The following AGO2 variants were observed in gnomAD, a reference collection of about 807,000 sequenced individuals.
The protein encoded by AGO2 is protein argonaute-2.
In AGO2, 5 loss-of-function variants were observed where a neutral mutation model predicts 102.3. The ratio of observed to expected loss-of-function variants is 0.05; its 90% CI spans 0.03 to 0.10. AGO2 has a LOEUF of 0.10. AGO2 is among the 10% of genes least tolerant of loss of function. The probability of loss-of-function intolerance (pLI) is 1.00; values close to 1 mark genes in which losing one functional copy is unlikely to be tolerated. For synonymous variants in AGO2, 449 were observed against 473.1 expected (o/e 0.95, Z 0.66); for missense variants, 541 against 1,183.7 (o/e 0.46, Z 7.97).
At position 140,585,282 on chromosome 8, in the gene AGO2, T is replaced by C; in HGVS notation, c.52A>G (p.Ile18Val). ...ALAPPAPPPPIQGYAFKPPPR... is the reference protein window; with the variant it reads ...ALAPPAPPPPVQGYAFKPPPR... ...GGAGGCTTGAAGGCATATCCTTGGA[T>C]GGGGGGCGGCGGCGCAGGAGGTGCA... The change falls in exon 2 of 19, where the codon ATC becomes GTC. Residue 18 changes from isoleucine to valine, a missense_variant. Ile to Val is a conservative substitution (Grantham distance 29, BLOSUM62 3). Transcript: ENST00000220592. The C allele has an allele frequency of 1.2e-6, 2 of 1,613,940 alleles. No homozygotes were observed. Among genetic ancestry groups the C allele is most frequent in the African/African-American group, 1.3e-5 (1 of 75,016 alleles).
chr8:140,624,744 G>A (rs2152108889), intron 1 of AGO2, among the ~76,000 whole-genome samples: 1 of 152,306 alleles, frequency 6.6e-6, no homozygotes, highest in South Asian at 2.1e-4. Context: ...GGGCATATAA[G>A]GAGCACAGAG....
chr8:140,609,333 C>G (rs899826339), intron 1 of AGO2, among the ~76,000 whole-genome samples: 4 of 152,232 alleles, frequency 2.6e-5, no homozygotes, highest in East Asian at 1.9e-4. Context: ...GAGCGGTGGG[C>G]GGGCAGTGGC....
At chr8:140,632,943 T>G (rs568933544) in intron 1 of AGO2, among the ~76,000 whole-genome samples, 1 of 151,546 alleles carries the variant, frequency 6.6e-6, no homozygotes, top group African/African-American at 2.4e-5. Context: ...TCTCCAAGTC[T>G]CACTCTGTCC....
At chr8:140,638,261 G>C (rs1364118636), upstream of AGO2, 1 of 152,208 alleles carries the variant, frequency 6.6e-6, no homozygotes, top group East Asian at 1.9e-4. Flanking sequence ...GCAGGCAATG[G>C]AATAAATCAT....
chr8:140,553,251 T>TG lies in AGO2; in HGVS notation c.1270-1816dup, dbSNP rs796858434. 3.4e-4 allele frequency among the ~76,000 whole-genome samples: 51 copies of TG among 152,038 alleles called. 1 individual carries two copies. Among genetic ancestry groups the TG allele is most frequent in the African/African-American group, 1.1e-3 (47 of 41,474 alleles). ...ACATTAAAAACCTAGCTGGGTGTGG[T>TG]GGTGTGGCTGTGGTCCCAGCAATTC... On this transcript the variant is annotated intron_variant, in intron 10 of 18. Coordinates refer to ENST00000220592, the MANE Select transcript of AGO2 (RefSeq NM_012154.5).
intron 10 of AGO2, 24 bp from the exon 11 acceptor site, chr8:140,551,460 G>A: frequency 6.6e-7 from 1 of 1,505,890 alleles, no homozygotes; most frequent in Non-Finnish European, 9.0e-7. Context: ...AAGGTTCAGG[G>A]TGAGAAAAAA....
chr8:140,544,688 C>T (rs572892072), intron 13 of AGO2, among the ~76,000 whole-genome samples: 6 of 152,334 alleles, frequency 3.9e-5, no homozygotes, highest in East Asian at 3.9e-4. Flanking sequence ...GGGGCCAGCT[C>T]GCTCTTTGTT....
At chr8:140,554,380 C>T (rs575023866) in intron 10 of AGO2, among the ~76,000 whole-genome samples, 15 of 152,300 alleles carry the variant, frequency 9.8e-5, no homozygotes, top group African/African-American at 3.6e-4. Flanking sequence ...ACACAGACCC[C>T]CCCACGTGAT....
intron 1 of AGO2, among the ~76,000 whole-genome samples, chr8:140,588,469 A>G (rs1427324975): frequency 6.6e-6 from 1 of 152,042 alleles, no homozygotes; most frequent in Non-Finnish European, 1.5e-5. Context: ...TTATTGCTTA[A>G]AAAATGCTGA....
intron 3 of AGO2, among the ~76,000 whole-genome samples, chr8:140,570,756 C>T (rs928109163): frequency 6.6e-6 from 1 of 152,144 alleles, no homozygotes; most frequent in Non-Finnish European, 1.5e-5. Flanking sequence ...AGTTGAGGTG[C>T]CCCAGGTCCC....
intron 1 of AGO2, among the ~76,000 whole-genome samples, chr8:140,599,011 C>T (rs1056135635): frequency 5.9e-5 from 9 of 152,232 alleles, no homozygotes; most frequent in Admixed American, 2.0e-4. Context: ...CTGCTGCTCA[C>T]GCTGAGGCCA....
upstream of AGO2, among the ~76,000 whole-genome samples, chr8:140,639,480 G>GAAAAA (rs36037273): frequency 2.1e-5 from 3 of 139,858 alleles, no homozygotes; most frequent in African/African-American, 5.2e-5. Flanking sequence ...AACTCCATCT[G>GAAAAA]AAAAAAAAAA....
At chr8:140,575,456 C>T (rs914247269) in intron 2 of AGO2, among the ~76,000 whole-genome samples, 1 of 152,330 alleles carries the variant, frequency 6.6e-6, no homozygotes, top group East Asian at 1.9e-4. Flanking sequence ...GGTCCCCAAC[C>T]TTCGGAGGCC....
chr8:140,584,503 C>T (rs542917722), intron 2 of AGO2, among the ~76,000 whole-genome samples: 4 of 152,134 alleles, frequency 2.6e-5, no homozygotes, highest in Admixed American at 6.5e-5. Flanking sequence ...TTAAGAGAGA[C>T]GAAAACACCT....
chr8:140,630,409 C>A (rs926003717), intron 1 of AGO2, among the ~76,000 whole-genome samples: 1 of 152,156 alleles, frequency 6.6e-6, no homozygotes, highest in Admixed American at 6.5e-5. Flanking sequence ...GAGGGCCTGG[C>A]GATTTGGTCA....
At chr8:140,573,847 A>G (rs1440290260) in intron 2 of AGO2, among the ~76,000 whole-genome samples, 2 of 152,184 alleles carry the variant, frequency 1.3e-5, no homozygotes, top group African/African-American at 4.8e-5. Flanking sequence ...TTTGCTCTGT[A>G]GCCCCAGTCA....
intron 11 of AGO2, among the ~76,000 whole-genome samples, chr8:140,550,404 G>A (rs531863168): frequency 4.5e-4 from 69 of 152,298 alleles, no homozygotes; most frequent in Non-Finnish European, 4.9e-4. Context: ...ACACAGTCCC[G>A]CTGGGCCCGT....
At chr8:140,535,768 T>C (rs527288236) in intron 16 of AGO2, among the ~76,000 whole-genome samples, 199 bp from the exon 17 acceptor site, 1 of 152,370 alleles carries the variant, frequency 6.6e-6, no homozygotes, top group South Asian at 2.1e-4. Flanking sequence ...TAATGTTCCA[T>C]GTGGGCTGGG....
intron 1 of AGO2, among the ~76,000 whole-genome samples, chr8:140,605,519 C>T (rs60890791): frequency 0.04 from 6,143 of 152,296 alleles, 343 homozygotes; most frequent in African/African-American, 0.13. Context: ...GTAGGGAGGA[C>T]GCACGGGGAT....
Sources: allele counts gnomAD v4.1 joint callset (sites outside exome capture counted in the v4.1 genomes callset), GRCh38; gene constraint gnomAD v4.1.1; transcripts MANE v1.5; gene names NCBI Gene and HGNC (gene_info 2026-07-23, HGNC 2026-07-21).